Variants in ZNHIT1 observed in about 807,000 individuals in gnomAD.
The protein encoded by ZNHIT1 is zinc finger HIT-type containing 1.
Under a neutral mutation model 21.4 loss-of-function variants are expected in ZNHIT1, and 20 were observed. That is an observed-to-expected ratio of 0.93 (90% CI 0.66 to 1.36). The LOEUF (loss-of-function observed/expected upper bound fraction) is 1.36, where lower values mean the gene tolerates loss of function less well. ZNHIT1 is among the 40% of genes most tolerant of loss of function. ZNHIT1 has a pLI of 0.00. For synonymous variants in ZNHIT1, 79 were observed against 84.0 expected (o/e 0.94, Z 0.32); for missense variants, 170 against 213.5 (o/e 0.80, Z 1.27).
intron 1 of ZNHIT1, chr7:101,219,567 C>G: frequency 6.6e-6 from 1 of 152,152 alleles, no homozygotes; most frequent in Non-Finnish European, 1.5e-5. Flanking sequence ...GCTGGGACTA[C>G]AGGCGCCCGC....
chr7:101,223,314 T>C (rs1798402573), intron 2 of ZNHIT1, among the ~76,000 whole-genome samples, 163 bp from the exon 3 acceptor site: 2 of 151,846 alleles, frequency 1.3e-5, no homozygotes, highest in African/African-American at 4.8e-5. Flanking sequence ...GAGATGGAGG[T>C]TGCAGTGAGT....
chr7:101,222,567 G>C, intron 1 of ZNHIT1, 37 bp from the exon 2 acceptor site: 1 of 1,582,876 alleles, frequency 6.3e-7, no homozygotes, highest in Non-Finnish European at 8.6e-7. Context: ...GCTCTTTCTT[G>C]GAAGCCCTGT....
chr7:101,218,503 G>A (rs1246707076), intron 1 of ZNHIT1: 1 of 456,108 alleles, frequency 2.2e-6, no homozygotes, highest in African/African-American at 2.0e-5. Flanking sequence ...TCCAACTCTT[G>A]GCCTCAAAGC....
At chr7:101,218,358 C>T in intron 1 of ZNHIT1, 141 bp downstream of exon 1, 2 of 914,420 alleles carry the variant, frequency 2.2e-6, no homozygotes, top group Non-Finnish European at 3.3e-6. Context: ...ACTGCAGCCT[C>T]GATTTCCTGG....
At chr7:101,223,388 A>G in intron 2 of ZNHIT1, 89 bp from the exon 3 acceptor site, 1 of 1,412,678 alleles carries the variant, frequency 7.1e-7, no homozygotes, top group Non-Finnish European at 9.9e-7. Context: ...AAGAACCAGG[A>G]GGGCACATGG....
Position 101,222,774 on chromosome 7 carries a change from G to A in ZNHIT1, c.193G>A (p.Gly65Arg). ...LPQFDDDADT[G>R]KKKKKTRGDH... is the part of the protein sequence containing the mutation. ...TCAGTTTGATGACGATGCGGACACT[G>A]GTGAGGCGGATGGAGGAGGAAGCGG... Residue 65 changes from glycine to arginine, a missense_variant and splice_region_variant, in exon 2 of 5, where the codon GGA (glycine) becomes AGA (arginine). Gly to Arg is a moderately radical substitution (Grantham distance 125). Coordinates refer to ENST00000305105, the MANE Select transcript of ZNHIT1 (RefSeq NM_006349.3). 1 of 1,613,192 alleles carries A rather than the reference G, an allele frequency of 6.2e-7. No individual in the cohort carries two copies.
chr7:101,218,928 C>G (rs10487887), intron 1 of ZNHIT1: 12,790 of 152,530 alleles, frequency 0.084, 645 homozygotes, highest in African/African-American at 0.14. Flanking sequence ...TCAGTGGGAA[C>G]CTCACGTGCA....
intron 1 of ZNHIT1, 142 bp downstream of exon 1, chr7:101,218,359 G>A: frequency 2.3e-6 from 2 of 882,176 alleles, no homozygotes; most frequent in Non-Finnish European, 3.4e-6. Context: ...CTGCAGCCTC[G>A]ATTTCCTGGG....
At chr7:101,218,370 A>G (rs1798320016) in intron 1 of ZNHIT1, 153 bp downstream of exon 1, 2 of 802,980 alleles carry the variant, frequency 2.5e-6, no homozygotes, top group South Asian at 1.9e-5. Context: ...ATTTCCTGGG[A>G]TCAAACCATC....
chr7:101,222,913 C>G (rs1584260929), intron 2 of ZNHIT1, 139 bp downstream of exon 2: 1 of 1,106,528 alleles, frequency 9.0e-7, no homozygotes, highest in Non-Finnish European at 1.3e-6. Flanking sequence ...AGCAACCACA[C>G]CCCCTTTCTG....
rs1798405917 is a variant in ZNHIT1 at position 101,223,534 on chromosome 7, T to G, written c.251T>G (p.Phe84Cys). Residue 84 changes from phenylalanine to cysteine, a missense_variant, in exon 3 of 5, where the codon TTT becomes TGT. Coordinates refer to ENST00000305105, the MANE Select transcript of ZNHIT1 (RefSeq NM_006349.3). ...TTTAAACTTCGCTTCCGAAAAAACTTTCAGGCCCTGTTGGAGGAGCAGGTG... is the reference window on the plus strand; with the variant it reads ...TTTAAACTTCGCTTCCGAAAAAACTGTCAGGCCCTGTTGGAGGAGCAGGTG... Reference protein sequence around the residue: ...DHFKLRFRKNFQALLEEQNLS... With the variant: ...DHFKLRFRKNCQALLEEQNLS... The G allele has an allele frequency of 1.9e-6, 3 of 1,614,038 alleles. No individual in the cohort carries two copies. The highest frequency in any genetic ancestry group is 2.5e-6 in the Non-Finnish European group (3 of 1,180,030).
In ZNHIT1 at chr7:101,223,861, G is replaced by A; in HGVS notation, c.443+19G>A. ...AGACCAGGTGAGCATGAGACCTGCT[G>A]TCCACTCCCACTCCCTCCTTCCCAC... On this transcript the variant is annotated intron_variant, in intron 4 of 4. Transcript: ENST00000305105. 6.2e-7 allele frequency: 1 copy of A among 1,614,052 alleles called. No individual in the cohort carries two copies. The highest frequency in any genetic ancestry group is 8.5e-7 in the Non-Finnish European group (1 of 1,179,954).
chr7:101,222,215 C>G (rs1798381129), intron 1 of ZNHIT1: 1 of 191,036 alleles, frequency 5.2e-6, no homozygotes, highest in Admixed American at 6.0e-5. Context: ...ATGGGTGGCC[C>G]CTGGTTCCTT....
chr7:101,224,186 C>G lies in ZNHIT1; in HGVS notation c.*228C>G. 2 of 639,084 alleles carry G rather than the reference C, an allele frequency of 3.1e-6. No individual in the cohort carries two copies. Among genetic ancestry groups the G allele is most frequent in the Non-Finnish European group, 2.7e-6 (1 of 373,518 alleles). 39.6% of individuals were successfully genotyped at this position (639,084 alleles called of 1,614,324 possible). On this transcript the variant is annotated 3_prime_UTR_variant, in exon 5 of 5. Coordinates refer to ENST00000305105, the MANE Select transcript of ZNHIT1 (RefSeq NM_006349.3). Reference sequence around the variant, plus strand: ...GCTGTTAGAATAAAAAGCCTCGTGCCGGAAGCCTTCCTGTTTGGTCGTGGT... The same window carrying G: ...GCTGTTAGAATAAAAAGCCTCGTGCGGGAAGCCTTCCTGTTTGGTCGTGGT...
chr7:101,223,683 T>C lies in ZNHIT1; in HGVS notation c.284T>C (p.Val95Ala), dbSNP rs752889191. The change falls in exon 4 of 5, where the codon GTG becomes GCG. Residue 95 changes from valine (V) to alanine (A), a missense_variant. By Grantham distance (64) the Val-to-Ala change is moderately conservative. Transcript: ENST00000305105. ...QALLEEQNLSVAEGPNYLTAC... is the reference protein window; with the variant it reads ...QALLEEQNLSAAEGPNYLTAC... ...CCCTTGTCTCTGCAGAACTTGAGTG[T>C]GGCCGAGGGCCCTAACTACCTGACG... 5.6e-6 allele frequency: 9 copies of C among 1,610,460 alleles called. No individual in the cohort carries two copies. The highest frequency in any genetic ancestry group is 3.3e-5 in the South Asian group (3 of 90,850).
At position 101,222,636 on chromosome 7, in the gene ZNHIT1, C is replaced by G; in HGVS notation, c.55C>G (p.Leu19Val). 6.2e-7 allele frequency: 1 copy of G among 1,612,828 alleles called. No individual in the cohort carries two copies. Among genetic ancestry groups the G allele is most frequent in the Non-Finnish European group, 8.5e-7 (1 of 1,179,180 alleles). The change falls in exon 2 of 5, where the codon CTG becomes GTG. Residue 19 changes from leucine (L) to valine (V), a missense_variant. Leu to Val is a conservative substitution (Grantham distance 32). Coordinates refer to ENST00000305105, the MANE Select transcript of ZNHIT1 (RefSeq NM_006349.3). ...CCAGGACCCCGGGCAGCGGCGGGTG[C>G]TGGACCGGGCTGCCCGGCAGCGTCG... ...RSQDPGQRRV[L>V]DRAARQRRIN...
In ZNHIT1 at chr7:101,218,280, C is replaced by T. The variant is rs1036760830; in HGVS notation, c.22+63C>T. 5.8e-6 allele frequency: 9 copies of T among 1,561,030 alleles called. No individual in the cohort carries two copies. The East Asian group carries it at 1.4e-4, about 23-fold the overall frequency. ...CAAGTCAGTCCTAGAATTTTCTTAC[C>T]TAGTCATTCCTCTTTTTTGGTCTCG... is the stretch of plus-strand genomic sequence containing the variant. On this transcript the variant is annotated intron_variant, in intron 1 of 4. Coordinates refer to ENST00000305105, the MANE Select transcript of ZNHIT1 (RefSeq NM_006349.3).
chr7:101,218,266 T>G (rs1394241701), intron 1 of ZNHIT1, 49 bp downstream of exon 1: 1 of 1,590,932 alleles, frequency 6.3e-7, no homozygotes, highest in Admixed American at 1.8e-5. Flanking sequence ...AAGTCAGTCC[T>G]AGAATTTTCT....
Position 101,223,568 on chromosome 7 carries a change from G to C in ZNHIT1, c.273+12G>C. 6.2e-7 allele frequency: 1 copy of C among 1,614,186 alleles called. No homozygotes were observed. Among genetic ancestry groups the C allele is most frequent in the South Asian group, 1.1e-5 (1 of 91,086 alleles). The stretch of plus-strand genomic sequence containing the variant: ...TGTTGGAGGAGCAGGTGAGAGGAGG[G>C]TCGGCCTGGGAGGACCCCACAGGGA... On this transcript the variant is annotated intron_variant, in intron 3 of 4. Coordinates refer to ENST00000305105, the MANE Select transcript of ZNHIT1 (RefSeq NM_006349.3).
Sources: gnomAD v4.1 joint callset for allele counts (sites outside exome capture counted in the v4.1 genomes callset) on GRCh38, gnomAD v4.1.1 for gene constraint, MANE v1.5 for transcripts, NCBI Gene and HGNC (gene_info 2026-07-23, HGNC 2026-07-21) for gene names.